Variants in PIP5K1A observed in about 807,000 individuals in gnomAD.
The protein encoded by PIP5K1A is phosphatidylinositol-4-phosphate 5-kinase type 1 alpha.
A neutral mutation model predicts 72.9 loss-of-function variants in PIP5K1A; 46 were observed. The observed-to-expected ratio is 0.63, with a 90% confidence interval of 0.50 to 0.81. The LOEUF is 0.81. PIP5K1A is among the 30% of genes least tolerant of loss of function. PIP5K1A has a pLI of 0.00. For synonymous variants in PIP5K1A, 228 were observed against 255.1 expected (o/e 0.89, Z 1.01); for missense variants, 458 against 706.1 (o/e 0.65, Z 3.98).
intron 4 of PIP5K1A, among the ~76,000 whole-genome samples, chr1:151,229,379 C>A (rs1157525932): frequency 1.4e-5 from 2 of 140,738 alleles, no homozygotes; most frequent in Non-Finnish European, 3.1e-5. Context: ...TTTTTTTTTC[C>A]TGAGGGAGTT....
In PIP5K1A at chr1:151,248,217, T is replaced by G. The variant is rs985066193; in HGVS notation, c.*352T>G. On this transcript the variant is annotated 3_prime_UTR_variant, in exon 16 of 16. Coordinates refer to ENST00000368888, the MANE Select transcript of PIP5K1A (RefSeq NM_001135638.2). ...ATGGGATTGCTGGACTTGGCAGCTT[T>G]CTTTCCCCTCGTCTTTGACTAGGAA... 5.7e-6 allele frequency: 2 copies of G among 352,940 alleles called. No homozygotes were observed. Among genetic ancestry groups the G allele is most frequent in the African/African-American group, 2.1e-5 (1 of 46,528 alleles). 21.9% of individuals were successfully genotyped at this position (352,940 alleles called of 1,614,324 possible).
chr1:151,222,699 T>A (rs1688547915), intron 1 of PIP5K1A, among the ~76,000 whole-genome samples: 1 of 151,962 alleles, frequency 6.6e-6, no homozygotes, highest in South Asian at 2.1e-4. Flanking sequence ...GACCAAAGAG[T>A]CTAGAATCAG....
intron 1 of PIP5K1A, among the ~76,000 whole-genome samples, chr1:151,216,947 C>T (rs61817979): frequency 0.69 from 100,874 of 145,694 alleles, 34,092 homozygotes; most frequent in Middle Eastern, 0.75. Context: ...GAGTCTCGCT[C>T]TGTCGCCCAG....
chr1:151,223,140 C>T (rs993367569), intron 1 of PIP5K1A, among the ~76,000 whole-genome samples: 1 of 150,542 alleles, frequency 6.6e-6, no homozygotes, highest in East Asian at 2.0e-4. Flanking sequence ...CACCTGAGGT[C>T]AGGAATTCAA....
chr1:151,212,111 CAAA>C lies in PIP5K1A; in HGVS notation c.86-12123_86-12121del, dbSNP rs587612763. Among the ~76,000 whole-genome samples, 143 of 129,288 alleles carry C rather than the reference CAAA, an allele frequency of 1.1e-3. 1 individual carries two copies. In the South Asian group the frequency reaches 0.034, roughly 31 times the overall value. 84.8% of individuals were successfully genotyped at this position (129,288 alleles called of 152,430 possible). A position where few individuals can be genotyped will look rare whatever the true frequency, so the allele number is the denominator to read the frequency against. On this transcript the variant is annotated intron_variant, in intron 1 of 15. Coordinates refer to ENST00000368888, the MANE Select transcript of PIP5K1A (RefSeq NM_001135638.2). ...TGGGTGACAGTGTGAGACTCCGTCTCAAAAAAAAAAAAAGATTTTGTTTACATT... is the reference window on the plus strand; with the variant it reads ...TGGGTGACAGTGTGAGACTCCGTCTCAAAAAAAAAAGATTTTGTTTACATT...
At chr1:151,244,198 G>A (rs1251747129) in intron 14 of PIP5K1A, among the ~76,000 whole-genome samples, 2 of 113,084 alleles carry the variant, frequency 1.8e-5, no homozygotes, top group Non-Finnish European at 3.9e-5. Context: ...AAAAAAAGTC[G>A]TGAAAATGTT....
At position 151,246,917 on chromosome 1, in the gene PIP5K1A, T is replaced by G. The variant is rs374262851; in HGVS notation, c.1641-3T>G. 1.2e-4 allele frequency: 194 copies of G among 1,611,224 alleles called. No homozygotes were observed. The highest frequency in any genetic ancestry group is 1.6e-4 in the Non-Finnish European group (190 of 1,177,696). ...TCTGCTTCCATTTTTTTTCTCCTGT[T>G]AGTACAACCTTGGAAAAGCTTGAAG... is the stretch of plus-strand genomic sequence containing the variant. On this transcript the variant is annotated splice_region_variant and splice_polypyrimidine_tract_variant and intron_variant, in intron 14 of 15. Coordinates refer to ENST00000368888, the MANE Select transcript of PIP5K1A (RefSeq NM_001135638.2).
upstream of PIP5K1A, chr1:151,198,048 T>A (rs747994395): frequency 4.2e-6 from 2 of 470,864 alleles, no homozygotes; most frequent in South Asian, 3.1e-5. Context: ...ACTCCGTCAC[T>A]GTGCAGTGCC....
chr1:151,248,997 C>G lies in PIP5K1A; in HGVS notation c.*1132C>G, dbSNP rs1692849956. ...TGAGGTCATTGCTGTGCCATATGTCCTACCCCCCTGTCTTCATGCAGGGAA... is the reference window on the plus strand; with the variant it reads ...TGAGGTCATTGCTGTGCCATATGTCGTACCCCCCTGTCTTCATGCAGGGAA... On this transcript the variant is annotated 3_prime_UTR_variant, in exon 16 of 16. Transcript: ENST00000368888. 6.6e-6 allele frequency: 1 copy of G among 152,246 alleles called. No individual in the cohort carries two copies. The highest frequency in any genetic ancestry group is 1.5e-5 in the Non-Finnish European group (1 of 68,048). The allele number at this position is 152,246 out of a possible 1,614,324, so 9.4% of individuals were successfully genotyped here. A position where few individuals can be genotyped will look rare whatever the true frequency, so the allele number is the denominator to read the frequency against.
Position 151,234,220 on chromosome 1 carries a change from T to A in PIP5K1A, c.663T>A (p.Thr221=), listed in dbSNP as rs192339056. 21 of 1,604,906 alleles carry A rather than the reference T, an allele frequency of 1.3e-5. No homozygotes were observed. The African/African-American group carries it at 2.4e-4, about 18-fold the overall frequency. The part of the protein sequence containing the change: ...YYMNLNQNPR[T]LLPKFYGLYC... ...AGAACCTCAACCAGAACCCTCGGAC[T>A]TTGCTGCCTAAATTCTATGGACTGT... is the stretch of plus-strand genomic sequence containing the variant. Residue 221 remains threonine (T), a synonymous_variant, in exon 8 of 16, where the codon ACT becomes ACA. Coordinates refer to ENST00000368888, the MANE Select transcript of PIP5K1A (RefSeq NM_001135638.2).
At chr1:151,236,824 T>TC (rs2101464868) in intron 9 of PIP5K1A, 61 bp downstream of exon 9, 1 of 880,778 alleles carries the variant, frequency 1.1e-6, no homozygotes, top group Non-Finnish European at 1.6e-6. Context: ...TTCTTTTCTT[T>TC]TTTTTTTTTT....
chr1:151,230,662 C>T (rs1306865722), intron 4 of PIP5K1A, among the ~76,000 whole-genome samples: 1 of 152,188 alleles, frequency 6.6e-6, no homozygotes, highest in Non-Finnish European at 1.5e-5. Context: ...CTGTCTCAGC[C>T]TTCTGAGTAG....
At chr1:151,207,491 A>C (rs990790890) in intron 1 of PIP5K1A, among the ~76,000 whole-genome samples, 1 of 151,902 alleles carries the variant, frequency 6.6e-6, no homozygotes, top group African/African-American at 2.4e-5. Context: ...TAGGAAACTG[A>C]GGTAAAGATG....
In PIP5K1A at chr1:151,224,284, G is replaced by C; in HGVS notation, c.120+5G>C. On this transcript the variant is annotated splice_donor_5th_base_variant and intron_variant, in intron 2 of 15. Coordinates refer to ENST00000368888, the MANE Select transcript of PIP5K1A (RefSeq NM_001135638.2). The stretch of plus-strand genomic sequence containing the variant: ...AAGAGACCCATGGCATCTGAGGTGA[G>C]TTTCATACTGATACAATGGTTACTA... The C allele has an allele frequency of 1.9e-6, 3 of 1,612,612 alleles. No individual in the cohort carries two copies. The highest frequency in any genetic ancestry group is 2.5e-6 in the Non-Finnish European group (3 of 1,178,738).
intron 12 of PIP5K1A, 46 bp downstream of exon 12, chr1:151,240,085 C>G (rs1272508006): frequency 1.2e-5 from 16 of 1,369,704 alleles, no homozygotes; most frequent in Non-Finnish European, 1.7e-5. Flanking sequence ...CCCAGTGGCT[C>G]CCTTACCCCA....
chr1:151,199,074 G>A lies in PIP5K1A; in HGVS notation c.78G>A (p.Leu26=). 6.2e-7 allele frequency: 1 copy of A among 1,614,094 alleles called. No homozygotes were observed. The highest frequency in any genetic ancestry group is 8.5e-7 in the Non-Finnish European group (1 of 1,180,012). The change falls in exon 1 of 16, where the codon TTG becomes TTA. Residue 26 remains leucine, a synonymous_variant. Transcript: ENST00000368888. ...ATCCCGCGGTCCCTTCCTGTACCTTGTCCTCAGGTAAGCCCGGCAGGGCGT... is the reference window on the plus strand; with the variant it reads ...ATCCCGCGGTCCCTTCCTGTACCTTATCCTCAGGTAAGCCCGGCAGGGCGT... ...SFDPAVPSCT[L]SSAASGIKRP...
intron 3 of PIP5K1A, among the ~76,000 whole-genome samples, chr1:151,226,358 T>A (rs1215552024): frequency 6.6e-6 from 1 of 152,060 alleles, no homozygotes; most frequent in Non-Finnish European, 1.5e-5. Flanking sequence ...GTGCTAGTAT[T>A]ACAGGTGTGA....
At position 151,224,376 on chromosome 1, in the gene PIP5K1A, G is replaced by T; in HGVS notation, c.126G>T (p.Leu42Phe). The part of the protein sequence containing the change: ...GIKRPMASEV[L>F]EARQDSYISL... ...TTTATTTTTTCTCTACTTAGGTCTT[G>T]GAAGCTAGACAGGATTCTTACATCT... The change falls in exon 3 of 16, where the codon TTG becomes TTT. Residue 42 changes from leucine (L) to phenylalanine (F), a missense_variant. Coordinates refer to ENST00000368888, the MANE Select transcript of PIP5K1A (RefSeq NM_001135638.2). 6.2e-7 allele frequency: 1 copy of T among 1,608,148 alleles called. No homozygotes were observed. The highest frequency in any genetic ancestry group is 8.5e-7 in the Non-Finnish European group (1 of 1,174,870).
chr1:151,225,808 G>A (rs587610396), intron 3 of PIP5K1A, among the ~76,000 whole-genome samples: 23 of 151,062 alleles, frequency 1.5e-4, no homozygotes, highest in Admixed American at 6.6e-4. Flanking sequence ...ACAGAGTCAC[G>A]CTCTGTCGCC....
Sources: gnomAD v4.1 joint callset for allele counts (sites outside exome capture counted in the v4.1 genomes callset) on GRCh38, gnomAD v4.1.1 for gene constraint, MANE v1.5 for transcripts, NCBI Gene and HGNC (gene_info 2026-07-23, HGNC 2026-07-21) for gene names.